The following POGZ variants were observed in gnomAD, a reference collection of about 807,000 sequenced individuals.
The protein encoded by POGZ is pogo transposable element with ZNF domain.
POGZ carries 17 observed loss-of-function variants against 134.6 expected under a neutral mutation model. The observed-to-expected ratio is 0.13, with a 90% CI of 0.09 to 0.19. The LOEUF (loss-of-function observed/expected upper bound fraction) is 0.19, where lower values mean the gene tolerates loss of function less well. POGZ is among the 10% of genes least tolerant of loss of function. The probability of loss-of-function intolerance (pLI) is 1.00; values close to 1 mark genes in which losing one functional copy is unlikely to be tolerated. For synonymous variants in POGZ, 693 were observed against 657.1 expected (o/e 1.05, Z -0.84); for missense variants, 1,306 against 1,769.7 (o/e 0.74, Z 4.70).
chr1:151,444,042 T>C (rs78329915), intron 1 of POGZ, among the ~76,000 whole-genome samples: 31 of 152,346 alleles, frequency 2.0e-4, no homozygotes, highest in Non-Finnish European at 3.7e-4. Context: ...ACAGATGGCA[T>C]TGTTTCGCTT....
At chr1:151,417,007 A>C (rs1655847557) in intron 10 of POGZ, among the ~76,000 whole-genome samples, 1 of 152,154 alleles carries the variant, frequency 6.6e-6, no homozygotes, top group African/African-American at 2.4e-5. Context: ...ACAACTCAGA[A>C]AATTTTTAAA....
intron 10 of POGZ, among the ~76,000 whole-genome samples, chr1:151,418,898 G>A (rs1557891982): frequency 1.3e-5 from 2 of 151,078 alleles, no homozygotes; most frequent in Non-Finnish European, 3.0e-5. Context: ...GGTGGTGGGC[G>A]CCTGTAATCC....
Position 151,408,014 on chromosome 1 carries a change from AAAAAAAAAAAAAAAAAAG to A in POGZ, c.2375+68_2375+85del, listed in dbSNP as rs1653977484. Reference sequence around the variant, plus strand: ...GGGACAGAGTGAGACCCTGTCTTCAAAAAAAAAAAAAAAAAAAGAAGAAGAAGAAGAAGAAAAAAAGAA... The same window carrying A: ...GGGACAGAGTGAGACCCTGTCTTCAAAAGAAGAAGAAGAAGAAAAAAAGAA... On this transcript the variant is annotated intron_variant, in intron 15 of 18. Coordinates refer to ENST00000271715, the MANE Select transcript of POGZ (RefSeq NM_015100.4). 2 of 755,258 alleles carry A rather than the reference AAAAAAAAAAAAAAAAAAG, an allele frequency of 2.6e-6. 1 individual carries two copies. Among genetic ancestry groups the A allele is most frequent in the Non-Finnish European group, 3.7e-6 (2 of 543,152 alleles). 46.8% of individuals were successfully genotyped at this position (755,258 alleles called of 1,614,324 possible). A position where few individuals can be genotyped will look rare whatever the true frequency, so the allele number is the denominator to read the frequency against.
chr1:151,405,733 G>C lies in POGZ; in HGVS notation c.3302C>G (p.Ala1101Gly), dbSNP rs1363527800. ...HTLPKDVAEN[A>G]GLFIDFVQRQ... ...TTGTACAAAATCAATGAAGAGTCCTGCATTCTCTGCTACATCCTTAGGTAG... is the reference window on the plus strand; with the variant it reads ...TTGTACAAAATCAATGAAGAGTCCTCCATTCTCTGCTACATCCTTAGGTAG... The change falls in exon 19 of 19, where the codon GCA (alanine) becomes GGA (glycine). Residue 1101 changes from alanine (A) to glycine (G), a missense_variant. Coordinates refer to ENST00000271715, the MANE Select transcript of POGZ (RefSeq NM_015100.4). The surrounding 1 kb of genome is among the most constrained non-coding windows in gnomAD (Gnocchi z 4.9). 1 of 1,614,196 alleles carries C rather than the reference G, an allele frequency of 6.2e-7. No homozygotes were observed. The highest frequency in any genetic ancestry group is 2.2e-5 in the East Asian group (1 of 44,894).
intron 10 of POGZ, among the ~76,000 whole-genome samples, chr1:151,413,481 AAG>A (rs1038410711): frequency 7.2e-5 from 11 of 152,042 alleles, no homozygotes; most frequent in African/African-American, 2.2e-4. Flanking sequence ...GTATGGCAAA[AAG>A]AGAGAGATTA....
chr1:151,417,364 CTT>C (rs1380557486), intron 10 of POGZ, among the ~76,000 whole-genome samples: 8 of 135,294 alleles, frequency 5.9e-5, no homozygotes, highest in Admixed American at 7.5e-5. Flanking sequence ...GCCCGGCCCT[CTT>C]TTTTTTTTTT....
At chr1:151,419,291 G>A (rs1264460429) in intron 10 of POGZ, among the ~76,000 whole-genome samples, 1 of 151,944 alleles carries the variant, frequency 6.6e-6, no homozygotes, top group Non-Finnish European at 1.5e-5. Flanking sequence ...GAACCTAGGA[G>A]GTAGAGGTTG....
At position 151,430,009 on chromosome 1, in the gene POGZ, A is replaced by AATTT. The variant is rs1557914668; in HGVS notation, c.460-299_460-298insAAAT. ...ACCTCATCAACAGACTGGCTCCCTA[A>AATTT]AGTGCTAAATGAACAGAAGTGGGGG... On this transcript the variant is annotated intron_variant, in intron 4 of 18. Transcript: ENST00000271715. Among the ~76,000 whole-genome samples, 6 of 146,316 alleles carry AATTT rather than the reference A, an allele frequency of 4.1e-5. No homozygotes were observed. The South Asian group carries it at 1.5e-3, about 36-fold the overall frequency.
chr1:151,410,836 A>G (rs1381741207), intron 12 of POGZ, among the ~76,000 whole-genome samples: 1 of 152,168 alleles, frequency 6.6e-6, no homozygotes, highest in Non-Finnish European at 1.5e-5. Context: ...CAACTGCCCA[A>G]GACAGAATCT....
rs1657532387 is a variant in POGZ, at chr1:151,425,003, T to C, written c.1137A>G (p.Arg379=). The part of the protein sequence containing the change: ...LQDGGRKICP[R]CNAQFRVTEA... ...CAGTAACACGAAATTGAGCATTACA[T>C]CGTGGACATATTTTCCGTCCACCAT... The change falls in exon 8 of 19, where the codon CGA becomes CGG. Residue 379 remains arginine (R), a synonymous_variant. Transcript: ENST00000271715. The C allele has an allele frequency of 1.9e-6, 3 of 1,599,618 alleles. No individual in the cohort carries two copies. Among genetic ancestry groups the C allele is most frequent in the Non-Finnish European group, 2.6e-6 (3 of 1,170,284 alleles).
intron 1 of POGZ, among the ~76,000 whole-genome samples, chr1:151,453,783 G>T (rs1311088443): frequency 6.6e-6 from 1 of 152,174 alleles, no homozygotes; most frequent in Non-Finnish European, 1.5e-5. Flanking sequence ...TTTCTTAAAT[G>T]CTGGCGAATA....
At chr1:151,452,617 G>A (rs1166681615) in intron 1 of POGZ, among the ~76,000 whole-genome samples, 1 of 152,092 alleles carries the variant, frequency 6.6e-6, no homozygotes. Context: ...TGTAATCCCA[G>A]CACTTTGGGA....
Position 151,424,121 on chromosome 1 carries a change from G to T in POGZ, c.1351C>A (p.Pro451Thr). 1 of 1,614,152 alleles carries T rather than the reference G, an allele frequency of 6.2e-7. No homozygotes were observed. The highest frequency in any genetic ancestry group is 8.5e-7 in the Non-Finnish European group (1 of 1,180,022). The part of the protein sequence containing the change: ...IPALSPPTKV[P>T]EPNENVGDAV... ...TCGCCCACGTTCTCATTTGGTTCTG[G>T]TACTTTGGTAGGCGGTGACAGAGCA... is the stretch of plus-strand genomic sequence containing the variant. The change falls in exon 9 of 19, where the codon CCA (proline) becomes ACA (threonine). Residue 451 changes from proline (P) to threonine (T), a missense_variant. This residue lies in a region of POGZ where 541 missense variants were observed against 680.5 expected (regional missense o/e 0.80). Transcript: ENST00000271715.
chr1:151,407,377 A>G lies in POGZ; in HGVS notation c.2376-86T>C, dbSNP rs773294976. On this transcript the variant is annotated intron_variant, in intron 15 of 18. Coordinates refer to ENST00000271715, the MANE Select transcript of POGZ (RefSeq NM_015100.4). ...CAGCCAGTGACAATGCCCCCAACAA[A>G]AGAGACACTTCTTCAGTGCACCCTA... is the stretch of plus-strand genomic sequence containing the variant. 2.7e-4 allele frequency: 238 copies of G among 871,292 alleles called. 2 individuals carry two copies. Among genetic ancestry groups the G allele is most frequent in the Middle Eastern group, 1.6e-3 (7 of 4,438 alleles). 54.0% of individuals were successfully genotyped at this position (871,292 alleles called of 1,614,324 possible).
At chr1:151,439,679 T>C (rs938827527) in intron 3 of POGZ, among the ~76,000 whole-genome samples, 1 of 152,190 alleles carries the variant, frequency 6.6e-6, no homozygotes, top group African/African-American at 2.4e-5. Flanking sequence ...CACATATAAA[T>C]GGTTATATTC....
rs879537073 is a variant in POGZ, at chr1:151,452,863, T to TAA, written c.-2+6287_-2+6288dup. Among the ~76,000 whole-genome samples, 3 of 145,760 alleles carry TAA rather than the reference T, an allele frequency of 2.1e-5. No individual in the cohort carries two copies. In the Admixed American group the frequency reaches 2.1e-4, roughly 10 times the overall value. On this transcript the variant is annotated intron_variant, in intron 1 of 18. Transcript: ENST00000271715. ...TAGGCAACAGAGCGAGACTCTGTCT[T>TAA]AAAAAAAAAAAGTCACTCTGTCTAG...
At chr1:151,446,755 CAAAAAAA>C (rs11309351) in intron 1 of POGZ, among the ~76,000 whole-genome samples, 14 of 70,720 alleles carry the variant, frequency 2.0e-4, no homozygotes, top group Middle Eastern at 0.011. Context: ...GACTCCATCT[CAAAAAAA>C]AAAAAAAAAA....
At position 151,428,370 on chromosome 1, in the gene POGZ, T is replaced by C. The variant is rs751258905; in HGVS notation, c.612A>G (p.Gln204=). The change falls in exon 6 of 19, where the codon CAA becomes CAG. Residue 204 remains glutamine, a synonymous_variant. Transcript: ENST00000271715. ...TCACAGGGGTCATCTGGGAGAACAC[T>C]TGTGGAACTCCAACTGTCGGCTTAA... ...QFVKPTVGVP[Q]VFSQMTPVRP... The C allele has an allele frequency of 5.6e-6, 9 of 1,613,598 alleles. No homozygotes were observed. The highest frequency in any genetic ancestry group is 3.3e-5 in the Admixed American group (2 of 60,014).
At chr1:151,435,806 T>C (rs1311889136) in intron 3 of POGZ, among the ~76,000 whole-genome samples, 2 of 151,966 alleles carry the variant, frequency 1.3e-5, no homozygotes, top group Non-Finnish European at 2.9e-5. Flanking sequence ...GATACTTTCT[T>C]AAAAACAAAA....
Sources: gnomAD v4.1 joint callset for allele counts (sites outside exome capture counted in the v4.1 genomes callset) on GRCh38, gnomAD v4.1.1 for gene constraint, gnomAD v4.1.1 regional missense constraint, Gnocchi (gnomAD v3.1) non-coding constraint, MANE v1.5 for transcripts, NCBI Gene and HGNC (gene_info 2026-07-23, HGNC 2026-07-21) for gene names.